CHST9: variants seen among roughly 807,000 people sequenced by gnomAD.
CHST9 encodes the protein carbohydrate sulfotransferase 9.
Under a neutral mutation model 44.4 loss-of-function variants are expected in CHST9, and 41 were observed. The observed-to-expected ratio is 0.92, with a 90% confidence interval of 0.72 to 1.20. The LOEUF (loss-of-function observed/expected upper bound fraction) is 1.20, where lower values mean the gene tolerates loss of function less well. CHST9 is among the 50% of genes most tolerant of loss of function. The pLI is 0.00. For missense variants in CHST9, 504 were observed against 516.5 expected (o/e 0.98, Z 0.23); for synonymous variants, 171 against 178.4 (o/e 0.96, Z 0.33).
intron 2 of CHST9, among the ~76,000 whole-genome samples, chr18:27,089,619 T>C (rs890050092): frequency 7.2e-5 from 11 of 152,134 alleles, no homozygotes; most frequent in Non-Finnish European, 1.2e-4. Flanking sequence ...GTCTTTATAG[T>C]AGCATGATTT....
intron 2 of CHST9, among the ~76,000 whole-genome samples, chr18:27,139,314 G>A (rs920638525): frequency 2.0e-5 from 3 of 152,004 alleles, no homozygotes; most frequent in East Asian, 1.9e-4. Context: ...AAAGTCTCAG[G>A]AACCAAACCA....
chr18:26,920,732 A>G lies in CHST9; in HGVS notation c.241-3382T>C, dbSNP rs949245415. Among the ~76,000 whole-genome samples the G allele has an allele frequency of 2.6e-5, 4 of 152,254 alleles. No homozygotes were observed. The East Asian group carries it at 7.7e-4, about 29-fold the overall frequency. ...AAGGTCAAGTTAAACTTGAATAAAC[A>G]ATTGACCAATTCTTGTTAAGGTGAT... On this transcript the variant is annotated intron_variant, in intron 5 of 5. Coordinates refer to ENST00000618847, the MANE Select transcript of CHST9 (RefSeq NM_031422.6).
In CHST9 at chr18:26,919,723, C is replaced by T. The variant is rs185756226; in HGVS notation, c.241-2373G>A. On this transcript the variant is annotated intron_variant, in intron 5 of 5. Transcript: ENST00000618847. ...AAATAAAAACAAAATCCACCTTCCCCTGTGGCCTCTGGACTTTCTGCTTTG... is the reference window on the plus strand; with the variant it reads ...AAATAAAAACAAAATCCACCTTCCCTTGTGGCCTCTGGACTTTCTGCTTTG... Among the ~76,000 whole-genome samples the T allele has an allele frequency of 1.8e-3, 279 of 152,228 alleles. 2 individuals are homozygous for T. The highest frequency in any genetic ancestry group is 6.5e-3 in the African/African-American group (269 of 41,546).
chr18:26,916,927 C>A lies in CHST9; in HGVS notation c.664G>T (p.Ala222Ser), dbSNP rs745900618. 10 of 1,613,720 alleles carry A rather than the reference C, an allele frequency of 6.2e-6. No homozygotes were observed. Among genetic ancestry groups the A allele is most frequent in the Admixed American group, 1.7e-5 (1 of 59,972 alleles). Residue 222 changes from alanine to serine, a missense_variant, in exon 6 of 6, where the codon GCT (alanine) becomes TCT (serine). Transcript: ENST00000618847. ...ATTCTTTTCCAATTGGAACAGCCAG[C>A]CTTAGGTACCTCACAATATAAGATT... ...HKILYCEVPKAGCSNWKRILM... is the reference protein window; with the variant it reads ...HKILYCEVPKSGCSNWKRILM...
intron 5 of CHST9, among the ~76,000 whole-genome samples, chr18:26,919,687 T>C (rs2055610249): frequency 6.6e-6 from 1 of 152,118 alleles, no homozygotes; most frequent in South Asian, 2.1e-4. Context: ...TCTTCTCTGC[T>C]TGACAATCAG....
chr18:26,949,648 G>A (rs1178364018), intron 4 of CHST9, among the ~76,000 whole-genome samples: 2 of 152,268 alleles, frequency 1.3e-5, no homozygotes, highest in African/African-American at 2.4e-5. Flanking sequence ...TGACAATTAC[G>A]GCAGATTGAA....
chr18:26,960,996 A>C (rs1055064256), intron 4 of CHST9, among the ~76,000 whole-genome samples: 2 of 152,248 alleles, frequency 1.3e-5, no homozygotes, highest in Non-Finnish European at 2.9e-5. Context: ...GTAAGCGCTT[A>C]CAACATACCA....
chr18:27,184,363 C>G (rs2143993164), intron 1 of CHST9, among the ~76,000 whole-genome samples: 1 of 152,278 alleles, frequency 6.6e-6, no homozygotes, highest in East Asian at 1.9e-4. Flanking sequence ...CAGACATCAA[C>G]CATAACACCT....
intron 5 of CHST9, among the ~76,000 whole-genome samples, chr18:26,930,983 C>G (rs1327711711): frequency 6.6e-6 from 1 of 152,038 alleles, no homozygotes; most frequent in African/African-American, 2.4e-5. Context: ...CTGCCCCCAC[C>G]CATTACCTAC....
intron 2 of CHST9, among the ~76,000 whole-genome samples, chr18:27,128,842 G>C (rs535869945): frequency 6.6e-6 from 1 of 152,286 alleles, no homozygotes; most frequent in South Asian, 2.1e-4. Flanking sequence ...GACCTAGAAG[G>C]TAGTGACTAC....
intron 4 of CHST9, among the ~76,000 whole-genome samples, chr18:26,956,045 C>T (rs1475165546): frequency 1.3e-5 from 2 of 151,880 alleles, no homozygotes; most frequent in Non-Finnish European, 2.9e-5. Context: ...GCCTATACTC[C>T]CAGCACTTTG....
intron 1 of CHST9, among the ~76,000 whole-genome samples, chr18:27,145,110 A>T (rs1353742914): frequency 6.6e-6 from 1 of 152,186 alleles, no homozygotes; most frequent in Non-Finnish European, 1.5e-5. Context: ...AAAAAAACCC[A>T]CCAAATAGTT....
At chr18:27,086,346 TAAA>T (rs2058012415) in intron 2 of CHST9, among the ~76,000 whole-genome samples, 2 of 152,262 alleles carry the variant, frequency 1.3e-5, no homozygotes, top group Admixed American at 6.5e-5. Context: ...TTCAAGGGAC[TAAA>T]AATTTGGTGA....
chr18:27,019,689 C>CAAAA (rs60043018), intron 4 of CHST9, among the ~76,000 whole-genome samples: 10,400 of 90,768 alleles, frequency 0.11, 844 homozygotes, highest in Non-Finnish European at 0.15. Flanking sequence ...CACTACATGG[C>CAAAA]AAAAAAAAAA....
At chr18:27,148,624 A>G (rs541978524) in intron 1 of CHST9, among the ~76,000 whole-genome samples, 85 of 151,094 alleles carry the variant, frequency 5.6e-4, no homozygotes, top group African/African-American at 2.0e-3. Flanking sequence ...TCCATGGTGT[A>G]TATGTGCCAC....
intron 2 of CHST9, among the ~76,000 whole-genome samples, chr18:27,089,309 C>G (rs978981753): frequency 2.8e-5 from 4 of 141,934 alleles, no homozygotes; most frequent in Admixed American, 2.2e-4. Context: ...CCGACATGCC[C>G]TGGTGTGTGA....
At chr18:27,108,304 AATC>A (rs1791029532) in intron 2 of CHST9, among the ~76,000 whole-genome samples, 1 of 152,182 alleles carries the variant, frequency 6.6e-6, no homozygotes, top group Non-Finnish European at 1.5e-5. Context: ...CTTTTTAAAA[AATC>A]ATCAGTCAAG....
chr18:26,989,766 A>G (rs778094072), intron 4 of CHST9, among the ~76,000 whole-genome samples: 46 of 152,128 alleles, frequency 3.0e-4, no homozygotes, highest in Non-Finnish European at 5.4e-4. Flanking sequence ...TCTGGCCAAC[A>G]TGGAAAAACC....
intron 2 of CHST9, among the ~76,000 whole-genome samples, chr18:27,127,228 A>T (rs2058431922): frequency 6.6e-6 from 1 of 152,184 alleles, no homozygotes; most frequent in Non-Finnish European, 1.5e-5. Flanking sequence ...ATGAAAGAGA[A>T]TAAGGGTAGA....
Sources: gnomAD v4.1 joint callset for allele counts (sites outside exome capture counted in the v4.1 genomes callset) on GRCh38, gnomAD v4.1.1 for gene constraint, MANE v1.5 for transcripts, NCBI Gene and HGNC (gene_info 2026-07-23, HGNC 2026-07-21) for gene names.